CMPK1: variants seen among roughly 807,000 people sequenced by gnomAD.
The protein encoded by CMPK1 is UMP-CMP kinase.
CMPK1 carries 10 observed loss-of-function variants against 25.7 expected under a neutral mutation model. The ratio of observed to expected loss-of-function variants is 0.39; its 90% CI spans 0.24 to 0.66. CMPK1 has a LOEUF of 0.66. Ranked by LOEUF, CMPK1 falls within the 30% of genes least tolerant of loss-of-function variation. The pLI, the probability that CMPK1 is intolerant of heterozygous loss-of-function variation, is 0.48. For missense variants in CMPK1, 199 were observed against 280.5 expected, an observed-to-expected ratio of 0.71 and a Z score of 2.08; for synonymous variants, 106 against 101.5, an observed-to-expected ratio of 1.04 and a Z score of -0.27.
At chr1:47,363,835 C>A (rs12718447) in intron 1 of CMPK1, among the ~76,000 whole-genome samples, 5 of 148,210 alleles carry the variant, frequency 3.4e-5, no homozygotes. Context: ...CCCAGCTCCT[C>A]GGGACGTTGA....
chr1:47,335,264 T>C (rs963842068), intron 1 of CMPK1, among the ~76,000 whole-genome samples: 1 of 152,208 alleles, frequency 6.6e-6, no homozygotes, highest in Non-Finnish European at 1.5e-5. Context: ...TCCTGTCCTG[T>C]ATTTTATTCC....
chr1:47,373,107 G>A lies in CMPK1; in HGVS notation c.471G>A (p.Glu157=). 6.3e-7 allele frequency: 1 copy of A among 1,597,946 alleles called. No individual in the cohort carries two copies. The highest frequency in any genetic ancestry group is 8.5e-7 in the Non-Finnish European group (1 of 1,172,866). Residue 157 remains glutamate (E), a splice_region_variant and synonymous_variant, in exon 3 of 6, where the codon GAG becomes GAA. Coordinates refer to ENST00000371873, the MANE Select transcript of CMPK1 (RefSeq NM_016308.3). ...SFVLFFDCNN[E]ICIERCLERG... is the part of the protein sequence containing the mutation. ...TTCTCTTTTTTGACTGTAATAATGA[G>A]GTAATGAAAATCTTCATCTGCCCAC... is the stretch of plus-strand genomic sequence containing the variant.
At chr1:47,361,542 G>T (rs1646601996) in intron 1 of CMPK1, among the ~76,000 whole-genome samples, 1 of 152,220 alleles carries the variant, frequency 6.6e-6, no homozygotes, top group Non-Finnish European at 1.5e-5. Context: ...ATGTTTCTGA[G>T]GCTGGTCCTC....
intron 1 of CMPK1, among the ~76,000 whole-genome samples, chr1:47,337,801 C>T (rs966046151): frequency 3.2e-4 from 49 of 151,920 alleles, no homozygotes; most frequent in East Asian, 3.9e-4. Context: ...TTAGTAGAGA[C>T]GGGGTTTCAC....
intron 1 of CMPK1, among the ~76,000 whole-genome samples, chr1:47,356,910 C>T (rs147087949): frequency 6.6e-6 from 1 of 151,352 alleles, no homozygotes; most frequent in African/African-American, 2.4e-5. Context: ...ATCCGCATGC[C>T]TTCATCTCCC....
chr1:47,363,012 A>G (rs1018908936), intron 1 of CMPK1, among the ~76,000 whole-genome samples: 11 of 152,216 alleles, frequency 7.2e-5, no homozygotes, highest in African/African-American at 1.9e-4. Context: ...CTTACAGTCA[A>G]AGGAAAGTAA....
At position 47,374,486 on chromosome 1, in the gene CMPK1, AG is replaced by A. The variant is rs1480705129; in HGVS notation, c.472-421del. Among the ~76,000 whole-genome samples, 5 of 152,390 alleles carry A rather than the reference AG, an allele frequency of 3.3e-5. No homozygotes were observed. The South Asian group carries it at 8.3e-4, about 25-fold the overall frequency. On this transcript the variant is annotated intron_variant, in intron 3 of 5. Coordinates refer to ENST00000371873, the MANE Select transcript of CMPK1 (RefSeq NM_016308.3). ...AGGAATGTTTATTCACAATTAACAA[AG>A]GATGCTTTATTCAAATGCAAATATG...
At chr1:47,372,597 G>A (rs1646684219) in intron 2 of CMPK1, among the ~76,000 whole-genome samples, 2 of 151,992 alleles carry the variant, frequency 1.3e-5, no homozygotes, top group East Asian at 1.9e-4. Flanking sequence ...TCTTATTGCC[G>A]CTCTTATTGT....
intron 1 of CMPK1, among the ~76,000 whole-genome samples, chr1:47,336,497 A>G (rs1026797393): frequency 6.6e-6 from 1 of 151,688 alleles, no homozygotes; most frequent in African/African-American, 2.4e-5. Flanking sequence ...ATCTTATTAT[A>G]TTGGTTATTT....
chr1:47,344,552 G>A (rs1409417202), intron 1 of CMPK1, among the ~76,000 whole-genome samples: 1 of 149,396 alleles, frequency 6.7e-6, no homozygotes, highest in African/African-American at 2.5e-5. Context: ...AGGCTGGAAT[G>A]CAGTAGCACA....
intron 1 of CMPK1, among the ~76,000 whole-genome samples, chr1:47,348,518 A>G (rs1333515844): frequency 6.6e-6 from 1 of 152,206 alleles, no homozygotes; most frequent in East Asian, 1.9e-4. Context: ...TCACTTTGGT[A>G]AAGGAAAAAG....
chr1:47,351,836 A>C (rs1156827605), intron 1 of CMPK1, among the ~76,000 whole-genome samples: 6 of 151,478 alleles, frequency 4.0e-5, no homozygotes, highest in African/African-American at 1.5e-4. Flanking sequence ...AGAATAGTGC[A>C]TTTAAAAAAT....
rs760871619 is a variant in CMPK1 at position 47,333,955 on chromosome 1, C to T, written c.10C>T (p.Arg4Cys). The T allele has an allele frequency of 1.3e-6, 2 of 1,484,082 alleles. No homozygotes were observed. Among genetic ancestry groups the T allele is most frequent in the African/African-American group, 1.5e-5 (1 of 68,840 alleles). 91.9% of individuals were successfully genotyped at this position (1,484,082 alleles called of 1,614,324 possible). The change falls in exon 1 of 6, where the codon CGC becomes TGC. Residue 4 changes from arginine to cysteine, a missense_variant. This residue lies in a region of CMPK1 where 59 missense variants were observed against 45.1 expected (regional missense o/e 1.31). Transcript: ENST00000371873. Reference protein sequence around the residue: MLSRCRSGLLHVLG... With the variant: MLSCCRSGLLHVLG... ...GGCCGAGGCGCGGTGTATGCTGAGC[C>T]GCTGCCGCAGCGGGCTGCTCCACGT...
intron 1 of CMPK1, among the ~76,000 whole-genome samples, chr1:47,339,162 C>T (rs7550999): frequency 0.024 from 3,598 of 152,032 alleles, 146 homozygotes; most frequent in African/African-American, 0.081. Context: ...TCTCCTGCCT[C>T]AGCCTCCCAA....
chr1:47,372,134 G>A (rs561490855), intron 2 of CMPK1, among the ~76,000 whole-genome samples: 103 of 144,728 alleles, frequency 7.1e-4, no homozygotes, highest in African/African-American at 2.5e-3. Flanking sequence ...CACTCTGTCC[G>A]CCAGGCTGGA....
At chr1:47,347,074 T>C (rs929892822) in intron 1 of CMPK1, among the ~76,000 whole-genome samples, 4 of 152,196 alleles carry the variant, frequency 2.6e-5, no homozygotes, top group African/African-American at 9.7e-5. Context: ...TGAGCCATTG[T>C]GCCCGGCCTA....
At chr1:47,363,467 T>A (rs995372368) in intron 1 of CMPK1, among the ~76,000 whole-genome samples, 3 of 150,416 alleles carry the variant, frequency 2.0e-5, no homozygotes, top group Non-Finnish European at 4.4e-5. Context: ...CTACTAAACA[T>A]ACAAAAAAAT....
intron 2 of CMPK1, 74 bp downstream of exon 2, chr1:47,368,689 G>A: frequency 3.8e-6 from 5 of 1,326,378 alleles, no homozygotes; most frequent in Non-Finnish European, 5.0e-6. Flanking sequence ...TGGCCAGGCA[G>A]TTGCTCATGC....
intron 1 of CMPK1, among the ~76,000 whole-genome samples, chr1:47,340,078 C>CTATT (rs1040612519): frequency 2.1e-3 from 192 of 93,598 alleles, no homozygotes; most frequent in African/African-American, 7.2e-3. Flanking sequence ...CCTTTCTTTC[C>CTATT]TATTTATTTA....
Sources: allele counts gnomAD v4.1 joint callset (sites outside exome capture counted in the v4.1 genomes callset), GRCh38; gene constraint gnomAD v4.1.1; regional missense constraint gnomAD v4.1.1; transcripts MANE v1.5; gene names NCBI Gene and HGNC (gene_info 2026-07-23, HGNC 2026-07-21).